The following FAR2 variants were observed in gnomAD, a reference collection of about 807,000 sequenced individuals.
The protein encoded by FAR2 is fatty acyl-CoA reductase 2.
FAR2 carries 19 observed loss-of-function variants against 56.0 expected under a neutral mutation model. The observed-to-expected ratio is 0.34, with a 90% CI of 0.24 to 0.50. The LOEUF is 0.50. FAR2 is among the 20% of genes least tolerant of loss of function. The pLI, the probability that FAR2 is intolerant of heterozygous loss-of-function variation, is 0.98. For synonymous variants in FAR2, 219 were observed against 218.8 expected, an observed-to-expected ratio of 1.00 and a Z score of -0.01; for missense variants, 508 against 642.2, an observed-to-expected ratio of 0.79 and a Z score of 2.26.
At chr12:29,173,693 T>C (rs1949909354) in intron 1 of FAR2, among the ~76,000 whole-genome samples, 1 of 152,142 alleles carries the variant, frequency 6.6e-6, no homozygotes, top group Non-Finnish European at 1.5e-5. Context: ...AGCCGGTTGA[T>C]ACCTGAGTGT....
chr12:29,205,203 G>T (rs1947465438), intron 1 of FAR2, among the ~76,000 whole-genome samples: 1 of 152,162 alleles, frequency 6.6e-6, no homozygotes, highest in Admixed American at 6.5e-5. Context: ...GTTACTACAA[G>T]TTTATGCATT....
intron 1 of FAR2, among the ~76,000 whole-genome samples, chr12:29,203,482 T>C (rs890165510): frequency 6.6e-5 from 10 of 152,164 alleles, no homozygotes; most frequent in Non-Finnish European, 1.5e-4. Context: ...GTGGGAATGG[T>C]CTACATACTT....
At chr12:29,208,788 C>A (rs1190816506) in intron 1 of FAR2, among the ~76,000 whole-genome samples, 6 of 152,148 alleles carry the variant, frequency 3.9e-5, no homozygotes, top group Non-Finnish European at 5.9e-5. Context: ...AAAAGGAAAT[C>A]ATTGTGTGCA....
intron 1 of FAR2, among the ~76,000 whole-genome samples, chr12:29,241,434 A>C (rs553726277): frequency 6.6e-6 from 1 of 152,098 alleles, no homozygotes; most frequent in Non-Finnish European, 1.5e-5. Flanking sequence ...TATTCTGTAC[A>C]TCATGGTTTC....
intron 1 of FAR2, among the ~76,000 whole-genome samples, chr12:29,232,091 G>A (rs970084346): frequency 6.6e-6 from 1 of 152,210 alleles, no homozygotes; most frequent in Non-Finnish European, 1.5e-5. Context: ...ATCCCTAGGA[G>A]AGAACAAGTG....
At chr12:29,183,180 C>T (rs963041343) in intron 1 of FAR2, among the ~76,000 whole-genome samples, 1 of 152,130 alleles carries the variant, frequency 6.6e-6, no homozygotes. Flanking sequence ...ACAATACACT[C>T]TCCTGGTTTT....
intron 1 of FAR2, among the ~76,000 whole-genome samples, chr12:29,210,893 C>T (rs1297772266): frequency 1.3e-5 from 2 of 152,118 alleles, no homozygotes; most frequent in African/African-American, 4.8e-5. Context: ...CTGCAGTGAG[C>T]CAAGATTGTG....
chr12:29,302,351 G>C (rs185876637), intron 4 of FAR2, among the ~76,000 whole-genome samples: 2 of 152,158 alleles, frequency 1.3e-5, no homozygotes, highest in Admixed American at 1.3e-4. Context: ...GTGGTGGTGG[G>C]GAAACAGGTC....
chr12:29,214,403 C>T (rs921244056), intron 1 of FAR2, among the ~76,000 whole-genome samples: 24 of 152,182 alleles, frequency 1.6e-4, no homozygotes, highest in African/African-American at 4.6e-4. Context: ...GCTGGTGAAA[C>T]AGAAGTAATG....
intron 1 of FAR2, among the ~76,000 whole-genome samples, chr12:29,155,651 G>A (rs962147261): frequency 1.3e-5 from 2 of 152,158 alleles, no homozygotes; most frequent in South Asian, 2.1e-4. Flanking sequence ...GAAATTTAAC[G>A]TATATGAAAT....
At chr12:29,179,364 T>C (rs1281087355) in intron 1 of FAR2, among the ~76,000 whole-genome samples, 2 of 152,188 alleles carry the variant, frequency 1.3e-5, no homozygotes, top group African/African-American at 2.4e-5. Flanking sequence ...GCCTGGAACA[T>C]TGGGCTAGGT....
At chr12:29,209,130 G>A (rs539537277) in intron 1 of FAR2, among the ~76,000 whole-genome samples, 3 of 151,888 alleles carry the variant, frequency 2.0e-5, no homozygotes, top group Non-Finnish European at 2.9e-5. Context: ...GAAGACCCAC[G>A]GGGAATTTCA....
At chr12:29,326,010 C>T (rs1029448378) in intron 10 of FAR2, among the ~76,000 whole-genome samples, 1 of 151,684 alleles carries the variant, frequency 6.6e-6, no homozygotes, top group Non-Finnish European at 1.5e-5. Context: ...GCTAGCAAGA[C>T]TAATAAAGAA....
At chr12:29,205,065 T>C (rs901197569) in intron 1 of FAR2, among the ~76,000 whole-genome samples, 1 of 152,210 alleles carries the variant, frequency 6.6e-6, no homozygotes, top group African/African-American at 2.4e-5. Flanking sequence ...TGATGGTCCA[T>C]TTATGATATC....
intron 1 of FAR2, among the ~76,000 whole-genome samples, chr12:29,246,973 T>G (rs1336722062): frequency 1.3e-5 from 2 of 152,152 alleles, no homozygotes; most frequent in Non-Finnish European, 2.9e-5. Context: ...TATTAGTTAT[T>G]TCATAATTCA....
chr12:29,166,540 G>C (rs1318526971), intron 1 of FAR2, among the ~76,000 whole-genome samples: 1 of 152,144 alleles, frequency 6.6e-6, no homozygotes, highest in African/African-American at 2.4e-5. Flanking sequence ...ATTATTCCCT[G>C]ATATTTATCA....
At chr12:29,289,822 A>C (rs540506176) in intron 2 of FAR2, among the ~76,000 whole-genome samples, 1 of 152,354 alleles carries the variant, frequency 6.6e-6, no homozygotes, top group East Asian at 1.9e-4. Flanking sequence ...AGAATACATA[A>C]GGAGCTCAAA....
At chr12:29,169,176 T>G (rs1434391551) in intron 1 of FAR2, among the ~76,000 whole-genome samples, 2 of 152,118 alleles carry the variant, frequency 1.3e-5, no homozygotes, top group Non-Finnish European at 2.9e-5. Flanking sequence ...ATCCCCCCTC[T>G]AAACAGGACA....
chr12:29,256,734 G>A (rs7299861), intron 1 of FAR2, among the ~76,000 whole-genome samples: 64,524 of 152,018 alleles, frequency 0.42, 14,567 homozygotes, highest in African/African-American at 0.59. Context: ...CCCTGCACTC[G>A]GAGCACTCGG....
Sources: allele counts gnomAD v4.1 joint callset (sites outside exome capture counted in the v4.1 genomes callset), GRCh38; gene constraint gnomAD v4.1.1; transcripts MANE v1.5; gene names NCBI Gene and HGNC (gene_info 2026-07-23, HGNC 2026-07-21).